The following PIAS2 variants were observed in gnomAD, a reference collection of about 807,000 sequenced individuals.
PIAS2 encodes protein inhibitor of activated STAT 2, also known as E3 SUMO-protein ligase PIAS2.
Under a neutral mutation model 69.7 loss-of-function variants are expected in PIAS2, and 19 were observed. That is an observed-to-expected ratio of 0.27 (90% CI 0.19 to 0.40). PIAS2 has a LOEUF of 0.40. Ranked by LOEUF, PIAS2 falls within the 10% of genes least tolerant of loss-of-function variation. The pLI is 1.00. For synonymous variants in PIAS2, 261 were observed against 263.2 expected (o/e 0.99, Z 0.08); for missense variants, 624 against 757.0 (o/e 0.82, Z 2.06).
intron 9 of PIAS2, among the ~76,000 whole-genome samples, chr18:46,834,699 C>T (rs552724774): frequency 5.4e-4 from 83 of 152,366 alleles, no homozygotes; most frequent in African/African-American, 2.0e-3. Context: ...ACTGCGGCCT[C>T]AAACTCCTGG....
chr18:46,903,747 C>CA (rs968812572), intron 1 of PIAS2: 59 of 152,002 alleles, frequency 3.9e-4, no homozygotes, highest in African/African-American at 1.3e-3. Context: ...GTAAGTTTAC[C>CA]AAAAAAACCT....
At chr18:46,868,965 C>G (rs919144836) in intron 2 of PIAS2, among the ~76,000 whole-genome samples, 7 of 152,328 alleles carry the variant, frequency 4.6e-5, no homozygotes, top group Admixed American at 2.6e-4. Context: ...ACCATGGCAA[C>G]CAGGTAACTC....
chr18:46,837,918 A>T (rs888191942), intron 8 of PIAS2, among the ~76,000 whole-genome samples: 3 of 152,214 alleles, frequency 2.0e-5, no homozygotes, highest in Non-Finnish European at 4.4e-5. Flanking sequence ...GCACAATACT[A>T]GCTGACAGTA....
At chr18:46,917,068 T>A in intron 1 of PIAS2, 1 of 988,210 alleles carries the variant, frequency 1.0e-6, no homozygotes, top group South Asian at 4.5e-5. Context: ...CCGCGCCAGG[T>A]GTGCGGACCA....
At chr18:46,819,006 T>TC (rs2041878600) in intron 12 of PIAS2, among the ~76,000 whole-genome samples, 1 of 152,072 alleles carries the variant, frequency 6.6e-6, no homozygotes. Flanking sequence ...AATGTAAATT[T>TC]CCCCCAATTA....
At chr18:46,876,284 T>C (rs192075682) in intron 2 of PIAS2, among the ~76,000 whole-genome samples, 2 of 152,342 alleles carry the variant, frequency 1.3e-5, no homozygotes, top group East Asian at 1.9e-4. Flanking sequence ...CACGTTTATA[T>C]AGATGCCACT....
At chr18:46,901,338 G>GGTTGAGGCT in intron 1 of PIAS2, 1 of 270,888 alleles carries the variant, frequency 3.7e-6, no homozygotes, top group Non-Finnish European at 7.5e-6. Context: ...GAACCTGGGA[G>GGTTGAGGCT]GCGGACGTTG....
intron 2 of PIAS2, among the ~76,000 whole-genome samples, chr18:46,887,477 T>C (rs182191458): frequency 1.3e-5 from 2 of 152,216 alleles, no homozygotes; most frequent in Non-Finnish European, 2.9e-5. Flanking sequence ...ATCTTCCACA[T>C]CAACTATGAA....
At chr18:46,819,963 G>C (rs1227727491) in intron 12 of PIAS2, among the ~76,000 whole-genome samples, 1 of 152,100 alleles carries the variant, frequency 6.6e-6, no homozygotes, top group African/African-American at 2.4e-5. Flanking sequence ...TTCTGTGATT[G>C]CAGTTACCTG....
intron 5 of PIAS2, chr18:46,853,486 T>A (rs1038369716): frequency 5.3e-5 from 8 of 152,070 alleles, no homozygotes; most frequent in African/African-American, 1.4e-4. Flanking sequence ...CAGATCTTTG[T>A]GCAAACTAGC....
At chr18:46,900,657 C>CA (rs2055677697) in intron 1 of PIAS2, among the ~76,000 whole-genome samples, 1 of 145,444 alleles carries the variant, frequency 6.9e-6, no homozygotes, top group East Asian at 2.0e-4. Flanking sequence ...GCCTGGGTGA[C>CA]AGAGTAAGAC....
In PIAS2 at chr18:46,805,887, C is replaced by T. The variant is rs1343158213; in HGVS notation, c.*6546G>A. The T allele has an allele frequency of 6.6e-6, 1 of 152,204 alleles. No individual in the cohort carries two copies. The highest frequency in any genetic ancestry group is 1.5e-5 in the Non-Finnish European group (1 of 68,022). 9.4% of individuals were successfully genotyped at this position (152,204 alleles called of 1,614,324 possible). On this transcript the variant is annotated 3_prime_UTR_variant, in exon 14 of 14. Transcript: ENST00000585916. The stretch of plus-strand genomic sequence containing the variant: ...GAAATCCCATGCTTAACATTCATCA[C>T]TGTCTCCCATACATGATTCGTCTTC...
At chr18:46,891,141 TC>T in intron 1 of PIAS2, 87 bp from the exon 2 acceptor site, 1 of 965,520 alleles carries the variant, frequency 1.0e-6, no homozygotes, top group Non-Finnish European at 1.5e-6. Context: ...ATGTGATTTT[TC>T]CAGCATTCTA....
chr18:46,817,153 CT>C, intron 12 of PIAS2: 1 of 957,770 alleles, frequency 1.0e-6, no homozygotes, highest in African/African-American at 1.8e-5. Flanking sequence ...TAGCTTCTAC[CT>C]TTTTATAGTT....
At chr18:46,818,341 ACT>A in intron 12 of PIAS2, 1 of 1,494,820 alleles carries the variant, frequency 6.7e-7, no homozygotes, top group Non-Finnish European at 8.9e-7. Context: ...GCTGTTTTCC[ACT>A]CCATAAATAC....
chr18:46,886,841 C>T (rs189953548), intron 2 of PIAS2, among the ~76,000 whole-genome samples: 3 of 151,320 alleles, frequency 2.0e-5, no homozygotes, highest in South Asian at 2.1e-4. Context: ...CTGTCCCCCC[C>T]CTCCAAAAAA....
chr18:46,860,667 T>C (rs959968306), intron 3 of PIAS2, among the ~76,000 whole-genome samples: 1 of 152,166 alleles, frequency 6.6e-6, no homozygotes, highest in Admixed American at 6.5e-5. Flanking sequence ...CACACTGTTA[T>C]AAACGAATAA....
intron 3 of PIAS2, among the ~76,000 whole-genome samples, chr18:46,859,712 T>A (rs577650549): frequency 6.6e-6 from 1 of 152,158 alleles, no homozygotes; most frequent in Non-Finnish European, 1.5e-5. Context: ...ATAAGCAGGT[T>A]TGATGGAAGG....
intron 2 of PIAS2, among the ~76,000 whole-genome samples, chr18:46,874,337 C>T (rs2145761901): frequency 6.6e-6 from 1 of 152,170 alleles, no homozygotes; most frequent in South Asian, 2.1e-4. Context: ...GTGCAGCCAC[C>T]AGTAATGTAG....
Sources: gnomAD v4.1 joint callset for allele counts (sites outside exome capture counted in the v4.1 genomes callset) on GRCh38, gnomAD v4.1.1 for gene constraint, MANE v1.5 for transcripts, NCBI Gene and HGNC (gene_info 2026-07-23, HGNC 2026-07-21) for gene names.